The following FMNL2 variants were observed in gnomAD, a reference collection of about 807,000 sequenced individuals.
FMNL2 encodes the protein formin like 2.
A neutral mutation model predicts 130.2 loss-of-function variants in FMNL2; 51 were observed. That is an observed-to-expected ratio of 0.39 (90% CI 0.31 to 0.49). FMNL2 has a LOEUF of 0.49. FMNL2 is among the 20% of genes least tolerant of loss of function. FMNL2 has a pLI of 0.85. For synonymous variants in FMNL2, 465 were observed against 467.1 expected, an observed-to-expected ratio of 1.00 and a Z score of 0.06; for missense variants, 977 against 1,316.2, an observed-to-expected ratio of 0.74 and a Z score of 3.99.
chr2:152,541,658 A>C (rs1694316012), intron 2 of FMNL2, among the ~76,000 whole-genome samples: 1 of 152,202 alleles, frequency 6.6e-6, no homozygotes, highest in South Asian at 2.1e-4. Context: ...TACACACAAT[A>C]TAAAACCATA....
intron 1 of FMNL2, among the ~76,000 whole-genome samples, chr2:152,490,562 C>T (rs1281648220): frequency 9.9e-6 from 1 of 100,638 alleles, no homozygotes; most frequent in Non-Finnish European, 2.1e-5. Flanking sequence ...TCAGCTTTTG[C>T]TATCCAATGT....
In FMNL2 at chr2:152,618,969, A is replaced by G; in HGVS notation, c.1438A>G (p.Thr480Ala). 6.2e-7 allele frequency: 1 copy of G among 1,614,060 alleles called. No individual in the cohort carries two copies. Among genetic ancestry groups the G allele is most frequent in the Non-Finnish European group, 8.5e-7 (1 of 1,179,908 alleles). ...KKIHELEKQG[T>A]IKIQKKGDGD... ...GATTCATGAGCTAGAGAAACAAGGGACCATTAAAATTCAGAAGAAAGGGGA... is the reference window on the plus strand; with the variant it reads ...GATTCATGAGCTAGAGAAACAAGGGGCCATTAAAATTCAGAAGAAAGGGGA... The change falls in exon 14 of 26, where the codon ACC becomes GCC. Residue 480 changes from threonine to alanine, a missense_variant. Thr to Ala is a moderately conservative substitution (Grantham distance 58). This residue lies in a region of FMNL2 where 689 missense variants were observed against 995.9 expected (regional missense o/e 0.69). Transcript: ENST00000288670.
At chr2:152,634,253 C>G (rs901711178) in intron 21 of FMNL2, among the ~76,000 whole-genome samples, 1 of 151,972 alleles carries the variant, frequency 6.6e-6, no homozygotes, top group East Asian at 1.9e-4. Context: ...GCCAACATAG[C>G]GAAACCCTGT....
At chr2:152,511,777 G>A (rs370601597) in intron 1 of FMNL2, among the ~76,000 whole-genome samples, 2 of 152,120 alleles carry the variant, frequency 1.3e-5, no homozygotes, top group East Asian at 1.9e-4. Context: ...GGAAAGGGCT[G>A]GGGGAGAGTG....
chr2:152,528,255 AT>A (rs1165299909), intron 2 of FMNL2, among the ~76,000 whole-genome samples: 33 of 152,298 alleles, frequency 2.2e-4, no homozygotes, highest in African/African-American at 7.5e-4. Context: ...TGTGCACCAA[AT>A]GATAGGGTAA....
At chr2:152,474,486 A>G (rs1465482938) in intron 1 of FMNL2, among the ~76,000 whole-genome samples, 2 of 152,092 alleles carry the variant, frequency 1.3e-5, no homozygotes, top group Non-Finnish European at 2.9e-5. Context: ...GGAATTCAAG[A>G]CCAGCCTGGC....
chr2:152,398,478 C>G (rs1685515553), intron 1 of FMNL2, among the ~76,000 whole-genome samples: 1 of 152,120 alleles, frequency 6.6e-6, no homozygotes, highest in Non-Finnish European at 1.5e-5. Context: ...TCTGCTAGGT[C>G]TCTAGTAATT....
At chr2:152,507,733 T>C (rs766315570) in intron 1 of FMNL2, among the ~76,000 whole-genome samples, 3 of 152,204 alleles carry the variant, frequency 2.0e-5, no homozygotes, top group Admixed American at 2.0e-4. Flanking sequence ...ATGTGTCTAC[T>C]ACTGTTTTGA....
At chr2:152,384,124 A>G (rs1684653031) in intron 1 of FMNL2, among the ~76,000 whole-genome samples, 1 of 152,178 alleles carries the variant, frequency 6.6e-6, no homozygotes, top group African/African-American at 2.4e-5. Flanking sequence ...AAGTTTTCGT[A>G]GCAGCTCTGC....
At chr2:152,574,295 G>A (rs949294959) in intron 6 of FMNL2, among the ~76,000 whole-genome samples, 2 of 151,690 alleles carry the variant, frequency 1.3e-5, no homozygotes, top group African/African-American at 4.8e-5. Context: ...AATTAGCGGG[G>A]CATGGTGGTA....
rs745807145 is a variant in FMNL2, at chr2:152,378,746, A to G, written c.117+43026A>G. The stretch of plus-strand genomic sequence containing the variant: ...CCTTATTGCTTTGTTGATGGGTTTG[A>G]TAGAAGGTTAAGTGTGAAATGCTGT... On this transcript the variant is annotated intron_variant, in intron 1 of 25. Transcript: ENST00000288670. Among the ~76,000 whole-genome samples the G allele has an allele frequency of 1.7e-4, 26 of 152,114 alleles. 1 individual carries two copies. Among genetic ancestry groups the G allele is most frequent in the Non-Finnish European group, 3.2e-4 (22 of 68,022 alleles).
chr2:152,513,580 C>G (rs1033244844), intron 1 of FMNL2, among the ~76,000 whole-genome samples: 1 of 152,152 alleles, frequency 6.6e-6, no homozygotes, highest in East Asian at 1.9e-4. Context: ...TCACAAGCTT[C>G]TCTTGTAGCT....
chr2:152,525,931 T>A (rs1249796215), intron 2 of FMNL2, among the ~76,000 whole-genome samples: 2 of 152,246 alleles, frequency 1.3e-5, no homozygotes, highest in South Asian at 2.1e-4. Flanking sequence ...TAATTTTTTT[T>A]AAACCCTTTA....
Position 152,575,293 on chromosome 2 carries a change from C to T in FMNL2, c.705+49C>T, listed in dbSNP as rs190078985. On this transcript the variant is annotated intron_variant, in intron 7 of 25. Coordinates refer to ENST00000288670, the MANE Select transcript of FMNL2 (RefSeq NM_052905.4). ...TTAAAAAAAACCTGAATTAATCAGA[C>T]TCAGAAATGACTGCTGGGTGCAGTG... The T allele has an allele frequency of 1.6e-4, 206 of 1,269,388 alleles. No homozygotes were observed. The African/African-American group carries it at 2.8e-3, about 17-fold the overall frequency. The allele number at this position is 1,269,388 out of a possible 1,614,324, so 78.6% of individuals were successfully genotyped here.
At chr2:152,405,048 G>A (rs1168978111) in intron 1 of FMNL2, among the ~76,000 whole-genome samples, 1 of 152,160 alleles carries the variant, frequency 6.6e-6, no homozygotes, top group African/African-American at 2.4e-5. Context: ...TCCGTATTCT[G>A]ACATGTTGAG....
At position 152,364,259 on chromosome 2, in the gene FMNL2, G is replaced by GTTTTTTTTT. The variant is rs1163993397; in HGVS notation, c.117+28540_117+28541insTTTTTTTTT. On this transcript the variant is annotated intron_variant, in intron 1 of 25. Coordinates refer to ENST00000288670, the MANE Select transcript of FMNL2 (RefSeq NM_052905.4). Reference sequence around the variant, plus strand: ...GTTTCACATCCGTTAGGAGGTTTGTGTGTTTTTTTTTTTTTTTTTTTTTTT... The same window carrying GTTTTTTTTT: ...GTTTCACATCCGTTAGGAGGTTTGTGTTTTTTTTTTGTTTTTTTTTTTTTTTTTTTTTTT... Among the ~76,000 whole-genome samples, 24 of 100,754 alleles carry GTTTTTTTTT rather than the reference G, an allele frequency of 2.4e-4. 1 individual carries two copies. The East Asian group carries it at 4.1e-3, about 17-fold the overall frequency. 66.1% of individuals were successfully genotyped at this position (100,754 alleles called of 152,430 possible). A position where few individuals can be genotyped will look rare whatever the true frequency, so the allele number is the denominator to read the frequency against.
intron 25 of FMNL2, among the ~76,000 whole-genome samples, chr2:152,646,226 G>A (rs1235742033): frequency 4.0e-5 from 6 of 151,886 alleles, no homozygotes; most frequent in Admixed American, 2.0e-4. Context: ...CAGCTACCTG[G>A]GACGCTGAGA....
rs559293321 is a variant in FMNL2, at chr2:152,537,404, C to T, written c.202-5335C>T. Among the ~76,000 whole-genome samples the T allele has an allele frequency of 1.1e-4, 17 of 151,932 alleles. No individual in the cohort carries two copies. The South Asian group carries it at 2.3e-3, about 20-fold the overall frequency. ...AGTAGGGAAAGAGGAAGCTAACATACGCCTTAGGGGATTGGGTTAATGAGG... is the reference window on the plus strand; with the variant it reads ...AGTAGGGAAAGAGGAAGCTAACATATGCCTTAGGGGATTGGGTTAATGAGG... On this transcript the variant is annotated intron_variant, in intron 2 of 25. Coordinates refer to ENST00000288670, the MANE Select transcript of FMNL2 (RefSeq NM_052905.4).
intron 17 of FMNL2, 74 bp downstream of exon 17, chr2:152,626,801 A>G: frequency 1.4e-6 from 2 of 1,425,420 alleles, no homozygotes; most frequent in Non-Finnish European, 9.5e-7. Flanking sequence ...TTAGTAGATG[A>G]CAAATATTTC....
Sources: allele counts gnomAD v4.1 joint callset (sites outside exome capture counted in the v4.1 genomes callset), GRCh38; gene constraint gnomAD v4.1.1; regional missense constraint gnomAD v4.1.1; transcripts MANE v1.5; gene names NCBI Gene and HGNC (gene_info 2026-07-23, HGNC 2026-07-21).